Variants in DPP6 observed in about 807,000 individuals in gnomAD.
The protein encoded by DPP6 is A-type potassium channel modulatory protein DPP6.
A neutral mutation model predicts 122.6 loss-of-function variants in DPP6; 69 were observed. The ratio of observed to expected loss-of-function variants is 0.56; its 90% CI spans 0.46 to 0.69. DPP6 has a LOEUF of 0.69. DPP6 is among the 30% of genes least tolerant of loss of function. DPP6 has a pLI of 0.00. For missense variants in DPP6, 928 were observed against 1,116.9 expected (o/e 0.83, Z 2.41); for synonymous variants, 418 against 433.1 (o/e 0.97, Z 0.43).
At chr7:153,849,463 T>C in the DPP6 span, among the ~76,000 whole-genome samples, 1 of 152,144 alleles carries the variant, frequency 6.6e-6, no homozygotes, top group African/African-American at 2.4e-5. Flanking sequence ...TCTCATTTCC[T>C]GATGCTCCAT....
chr7:154,615,753 T>C (rs1353009675), intron 5 of DPP6, among the ~76,000 whole-genome samples: 3 of 150,790 alleles, frequency 2.0e-5, no homozygotes, highest in South Asian at 2.1e-4. Context: ...CAACAGAAAC[T>C]CTGTCCCCGT....
chr7:154,544,311 A>G (rs1026706070), intron 4 of DPP6, among the ~76,000 whole-genome samples: 23 of 152,164 alleles, frequency 1.5e-4, no homozygotes, highest in African/African-American at 5.5e-4. Flanking sequence ...CTACATTTCT[A>G]CAGAAAATGA....
chr7:154,892,272 G>A, intron 25 of DPP6, 62 bp from the exon 26 acceptor site: 1 of 1,609,712 alleles, frequency 6.2e-7, no homozygotes, highest in South Asian at 1.1e-5. Flanking sequence ...CACCTTCTGT[G>A]CGTTCCCGTC....
chr7:154,430,970 C>T (rs547250762), intron 1 of DPP6, among the ~76,000 whole-genome samples: 11 of 152,298 alleles, frequency 7.2e-5, no homozygotes, highest in African/African-American at 1.7e-4. Context: ...CTAGGCTCCA[C>T]GGTGCTAGAG....
chr7:153,934,726 G>T (rs574583866), intron 1 of DPP6, among the ~76,000 whole-genome samples: 1 of 152,188 alleles, frequency 6.6e-6, no homozygotes, highest in Non-Finnish European at 1.5e-5. Flanking sequence ...AGAGACAGCA[G>T]TGCAGACCTT....
At chr7:154,772,009 G>A (rs1796276808) in intron 9 of DPP6, among the ~76,000 whole-genome samples, 1 of 152,106 alleles carries the variant, frequency 6.6e-6, no homozygotes, top group Admixed American at 6.5e-5. Context: ...ATCTTTTTGT[G>A]GGAGTTTCCC....
intron 6 of DPP6, among the ~76,000 whole-genome samples, chr7:154,660,357 C>G (rs1340075295): frequency 1.4e-5 from 2 of 147,866 alleles, no homozygotes; most frequent in Admixed American, 6.7e-5. Flanking sequence ...GGCGTATTGG[C>G]CGTAGTGTTC....
chr7:154,796,895 T>G (rs1398401711), intron 12 of DPP6, among the ~76,000 whole-genome samples: 1 of 152,214 alleles, frequency 6.6e-6, no homozygotes, highest in Non-Finnish European at 1.5e-5. Context: ...TGTGTCAATC[T>G]TATTCACAAG....
At chr7:154,696,971 T>TACA (rs142622542) in intron 7 of DPP6, among the ~76,000 whole-genome samples, 152,272 of 152,276 alleles carry the variant, frequency 1, 76,134 homozygotes, top group Middle Eastern at 1. Context: ...CCTGAGAGAG[T>TACA]ACGATTCTAC....
At chr7:154,882,129 A>G (rs1046352447) in intron 21 of DPP6, among the ~76,000 whole-genome samples, 2 of 152,130 alleles carry the variant, frequency 1.3e-5, no homozygotes, top group Non-Finnish European at 2.9e-5. Context: ...CATATAGTCC[A>G]TCCACTCAGG....
chr7:154,271,206 T>C (rs558767025), intron 1 of DPP6, among the ~76,000 whole-genome samples: 14 of 152,306 alleles, frequency 9.2e-5, no homozygotes, highest in African/African-American at 3.4e-4. Context: ...ATTTATTTTG[T>C]CTCTACTGAG....
At chr7:154,612,466 A>T (rs1384576027) in intron 5 of DPP6, among the ~76,000 whole-genome samples, 1 of 150,982 alleles carries the variant, frequency 6.6e-6, no homozygotes, top group Non-Finnish European at 1.5e-5. Flanking sequence ...GATCCACCCA[A>T]GCTGTTCATG....
At chr7:154,583,075 C>T (rs528965003) in intron 5 of DPP6, among the ~76,000 whole-genome samples, 5 of 152,332 alleles carry the variant, frequency 3.3e-5, no homozygotes, top group South Asian at 2.1e-4. Flanking sequence ...GGTAACTGTA[C>T]TTGGCCCCCA....
intron 7 of DPP6, among the ~76,000 whole-genome samples, chr7:154,717,212 T>C (rs550008562): frequency 1.9e-4 from 29 of 152,336 alleles, no homozygotes; most frequent in African/African-American, 6.0e-4. Flanking sequence ...CGAACATTTA[T>C]CATTTATTTG....
chr7:154,438,233 C>T (rs978477673), intron 1 of DPP6, among the ~76,000 whole-genome samples: 5 of 151,822 alleles, frequency 3.3e-5, no homozygotes, highest in African/African-American at 9.7e-5. Flanking sequence ...TTTGGGAGGC[C>T]AAGGAGGGTG....
In DPP6 at chr7:154,447,494, A is replaced by C. The variant is rs1162254084; in HGVS notation, c.358+1166A>C. 2.6e-5 allele frequency among the ~76,000 whole-genome samples: 4 copies of C among 152,140 alleles called. No individual in the cohort carries two copies. In the East Asian group the frequency reaches 7.7e-4, roughly 29 times the overall value. On this transcript the variant is annotated intron_variant, in intron 2 of 25. Coordinates refer to ENST00000377770, the MANE Select transcript of DPP6 (RefSeq NM_130797.4). The stretch of plus-strand genomic sequence containing the variant: ...TAAGATGAAAAAAAGTAGATATTAT[A>C]ATATAAAACCTTTTTCCACAGGTAC...
In DPP6 at chr7:154,335,339, A is replaced by T. The variant is rs1457186422; in HGVS notation, c.244-110875A>T. ...ACAAAACAAAACAAAACAAACTCTCAATGCCACATATACCTGAATTGTGAG... is the reference window on the plus strand; with the variant it reads ...ACAAAACAAAACAAAACAAACTCTCTATGCCACATATACCTGAATTGTGAG... On this transcript the variant is annotated intron_variant, in intron 1 of 25. Coordinates refer to ENST00000377770, the MANE Select transcript of DPP6 (RefSeq NM_130797.4). Among the ~76,000 whole-genome samples, 3 of 152,234 alleles carry T rather than the reference A, an allele frequency of 2.0e-5. No homozygotes were observed. In the East Asian group the frequency reaches 5.8e-4, roughly 29 times the overall value.
intron 1 of DPP6, among the ~76,000 whole-genome samples, chr7:154,299,047 G>A (rs1301991428): frequency 2.0e-5 from 3 of 152,258 alleles, no homozygotes; most frequent in Non-Finnish European, 4.4e-5. Flanking sequence ...TCTGCAAGCT[G>A]AGGAGAATTG....
chr7:154,837,198 GCA>G (rs1315959779), intron 16 of DPP6, among the ~76,000 whole-genome samples: 2 of 148,884 alleles, frequency 1.3e-5, no homozygotes, highest in Non-Finnish European at 3.0e-5. Flanking sequence ...CATGCATAAC[GCA>G]CATTCACACA....
Sources: gnomAD v4.1 joint callset for allele counts (sites outside exome capture counted in the v4.1 genomes callset) on GRCh38, gnomAD v4.1.1 for gene constraint, MANE v1.5 for transcripts, NCBI Gene and HGNC (gene_info 2026-07-23, HGNC 2026-07-21) for gene names.